NCAM2: variants seen among roughly 807,000 people sequenced by gnomAD.
The protein encoded by NCAM2 is neural cell adhesion molecule 2, also known as N-CAM-2.
A neutral mutation model predicts 98.1 loss-of-function variants in NCAM2; 30 were observed. The ratio of observed to expected loss-of-function variants is 0.31; its 90% CI spans 0.23 to 0.41. NCAM2 has a LOEUF of 0.41. Among genes scored for constraint, NCAM2 ranks in the 10% least tolerant of loss-of-function variants. The pLI is 1.00. For missense variants in NCAM2, 867 were observed against 1,005.8 expected, an observed-to-expected ratio of 0.86 and a Z score of 1.87; for synonymous variants, 368 against 342.4, an observed-to-expected ratio of 1.07 and a Z score of -0.83.
intron 1 of NCAM2, among the ~76,000 whole-genome samples, chr21:21,115,765 G>T (rs1050004787): frequency 3.9e-5 from 6 of 151,912 alleles, no homozygotes; most frequent in Non-Finnish European, 7.4e-5. Flanking sequence ...TATTTTCCTG[G>T]GAAAGTTTAA....
chr21:21,009,867 C>T (rs2064175440), intron 1 of NCAM2, among the ~76,000 whole-genome samples: 1 of 124,620 alleles, frequency 8.0e-6, no homozygotes, highest in African/African-American at 2.9e-5. Context: ...AAAAATCCTC[C>T]TTTGGCCTCT....
chr21:21,460,997 T>C (rs566255371), intron 12 of NCAM2, among the ~76,000 whole-genome samples: 52 of 151,984 alleles, frequency 3.4e-4, no homozygotes, highest in African/African-American at 1.2e-3. Context: ...TTTAGGGAAG[T>C]TAGCAATTTT....
intron 8 of NCAM2, among the ~76,000 whole-genome samples, chr21:21,365,528 G>T (rs755875111): frequency 6.6e-6 from 1 of 151,554 alleles, no homozygotes; most frequent in Non-Finnish European, 1.5e-5. Flanking sequence ...TAAAAAAATC[G>T]TGGCATATGC....
chr21:21,101,254 A>T (rs2066234697), intron 1 of NCAM2, among the ~76,000 whole-genome samples: 1 of 152,092 alleles, frequency 6.6e-6, no homozygotes. Context: ...AGCTGTAAAC[A>T]TAATAGAAAA....
At chr21:21,499,812 T>C (rs1169532688) in intron 15 of NCAM2, among the ~76,000 whole-genome samples, 1 of 152,190 alleles carries the variant, frequency 6.6e-6, no homozygotes, top group Non-Finnish European at 1.5e-5. Context: ...ATCACCATTT[T>C]ACCAACAATG....
At chr21:21,332,687 C>T (rs1297311405) in intron 6 of NCAM2, among the ~76,000 whole-genome samples, 3 of 152,070 alleles carry the variant, frequency 2.0e-5, no homozygotes, top group Non-Finnish European at 4.4e-5. Flanking sequence ...CACCTTCTGT[C>T]GCTTTGACCT....
Position 21,214,746 on chromosome 21 carries a change from T to TATATATATATATATATATACAC in NCAM2, c.56-65831_56-65830insTATATATATATATATATACACA, listed in dbSNP as rs11268201. ...CCATATATATATATATATATATATA[T>TATATATATATATATATATACAC]ACACTATATATACACATATATGTAA... On this transcript the variant is annotated intron_variant, in intron 1 of 17. Transcript: ENST00000400546. Among the ~76,000 whole-genome samples the TATATATATATATATATATACAC allele has an allele frequency of 3.4e-3, 338 of 100,516 alleles. 2 individuals are homozygous for TATATATATATATATATATACAC. The highest frequency in any genetic ancestry group is 8.7e-3 in the East Asian group (32 of 3,676). 65.9% of individuals were successfully genotyped at this position (100,516 alleles called of 152,430 possible). A position where few individuals can be genotyped will look rare whatever the true frequency, so the allele number is the denominator to read the frequency against.
chr21:21,339,582 CT>C lies in NCAM2; in HGVS notation c.1044+1054del, dbSNP rs561570234. Reference sequence around the variant, plus strand: ...GTGTTAAAGAGAAACCTCCTTTAAACTTTTTTCATTATTAACTTTATTTAGG... The same window carrying C: ...GTGTTAAAGAGAAACCTCCTTTAAACTTTTTCATTATTAACTTTATTTAGG... On this transcript the variant is annotated intron_variant, in intron 8 of 17. Transcript: ENST00000400546. Among the ~76,000 whole-genome samples, 19 of 151,910 alleles carry C rather than the reference CT, an allele frequency of 1.3e-4. No individual in the cohort carries two copies. In the East Asian group the frequency reaches 2.1e-3, roughly 17 times the overall value.
Position 21,538,038 on chromosome 21 carries a change from C to A in NCAM2, c.*81C>A. On this transcript the variant is annotated 3_prime_UTR_variant, in exon 18 of 18. Transcript: ENST00000400546. The stretch of plus-strand genomic sequence containing the variant: ...CCTATGACCAAAACTATTCCATTGA[C>A]CTTAATTTCTTGGGAAACTTCTAGC... 1.4e-6 allele frequency: 1 copy of A among 730,018 alleles called. No homozygotes were observed. Among genetic ancestry groups the A allele is most frequent in the Non-Finnish European group, 2.1e-6 (1 of 467,642 alleles). The allele number at this position is 730,018 out of a possible 1,614,324, so 45.2% of individuals were successfully genotyped here. A position where few individuals can be genotyped will look rare whatever the true frequency, so the allele number is the denominator to read the frequency against.
At chr21:21,081,661 C>T (rs1199330019) in intron 1 of NCAM2, among the ~76,000 whole-genome samples, 3 of 151,470 alleles carry the variant, frequency 2.0e-5, no homozygotes, top group Non-Finnish European at 2.9e-5. Context: ...CGTAGCCAGG[C>T]GTGGCGGTGC....
At chr21:21,154,575 C>T (rs780114514) in intron 1 of NCAM2, among the ~76,000 whole-genome samples, 10 of 151,688 alleles carry the variant, frequency 6.6e-5, no homozygotes, top group Non-Finnish European at 1.2e-4. Context: ...AAAACGAAAA[C>T]GACAACATTT....
chr21:21,233,233 G>A (rs2070697646), intron 1 of NCAM2, among the ~76,000 whole-genome samples: 1 of 151,420 alleles, frequency 6.6e-6, no homozygotes, highest in East Asian at 1.9e-4. Context: ...TCACAATCAG[G>A]ATGAAATTTG....
chr21:21,240,326 G>A (rs2071014745), intron 1 of NCAM2, among the ~76,000 whole-genome samples: 1 of 149,564 alleles, frequency 6.7e-6, no homozygotes, highest in Non-Finnish European at 1.5e-5. Flanking sequence ...TTTAACTACT[G>A]AAACATTTGC....
intron 1 of NCAM2, among the ~76,000 whole-genome samples, chr21:21,116,777 C>T (rs1199862431): frequency 6.6e-6 from 1 of 152,016 alleles, no homozygotes; most frequent in Non-Finnish European, 1.5e-5. Flanking sequence ...ATGGTGTGAA[C>T]CCAGGAGGCG....
At chr21:21,201,926 T>C (rs1182834896) in intron 1 of NCAM2, among the ~76,000 whole-genome samples, 2 of 152,118 alleles carry the variant, frequency 1.3e-5, no homozygotes, top group African/African-American at 4.8e-5. Flanking sequence ...CAAAATCATG[T>C]TAAAAAAAGA....
intron 16 of NCAM2, among the ~76,000 whole-genome samples, chr21:21,532,000 A>G (rs1989730916): frequency 6.6e-6 from 1 of 151,564 alleles, no homozygotes; most frequent in Non-Finnish European, 1.5e-5. Context: ...CTCAAAAAAA[A>G]AGAAAAATAT....
chr21:21,501,603 A>G (rs1367261816), intron 15 of NCAM2, among the ~76,000 whole-genome samples: 1 of 126,264 alleles, frequency 7.9e-6, no homozygotes, highest in East Asian at 2.3e-4. Context: ...TGAAGCATAC[A>G]TGGATTAATG....
intron 1 of NCAM2, among the ~76,000 whole-genome samples, chr21:21,123,310 C>T (rs976719680): frequency 2.6e-5 from 4 of 151,608 alleles, no homozygotes; most frequent in African/African-American, 9.7e-5. Flanking sequence ...AGGAGAATGG[C>T]GTGAACCCGG....
chr21:21,430,105 T>G (rs543996765), intron 11 of NCAM2, among the ~76,000 whole-genome samples: 4 of 152,138 alleles, frequency 2.6e-5, no homozygotes, highest in African/African-American at 4.8e-5. Flanking sequence ...CTCAACTCAC[T>G]GCAACTTCTA....
Sources: gnomAD v4.1 joint callset for allele counts (sites outside exome capture counted in the v4.1 genomes callset) on GRCh38, gnomAD v4.1.1 for gene constraint, MANE v1.5 for transcripts, NCBI Gene and HGNC (gene_info 2026-07-23, HGNC 2026-07-21) for gene names.